The following DDIAS variants were observed in gnomAD, a reference collection of about 807,000 sequenced individuals.
The protein encoded by DDIAS is DNA damage induced apoptosis suppressor.
DDIAS carries 14 observed loss-of-function variants against 15.7 expected under a neutral mutation model. The ratio of observed to expected loss-of-function variants is 0.89; its 90% CI spans 0.59 to 1.39. The LOEUF (loss-of-function observed/expected upper bound fraction) is 1.39, where lower values mean the gene tolerates loss of function less well. DDIAS is among the 40% of genes most tolerant of loss of function. DDIAS has a pLI of 0.00. For missense variants in DDIAS, 1,035 were observed against 1,130.9 expected (o/e 0.92, Z 1.22); for synonymous variants, 355 against 395.9 (o/e 0.90, Z 1.23).
chr11:82,934,343 C>T lies in DDIAS; in HGVS notation c.*8C>T, dbSNP rs1861075895. ...CCTGAATTGTTTTCATAAAAAGTCA[C>T]CTGAACCCAATTCCTGAACTTTTAA... On this transcript the variant is annotated 3_prime_UTR_variant, in exon 6 of 6. Transcript: ENST00000533655. The T allele has an allele frequency of 1.9e-6, 3 of 1,570,866 alleles. No individual in the cohort carries two copies. Among genetic ancestry groups the T allele is most frequent in the East Asian group, 2.3e-5 (1 of 44,364 alleles).
Position 82,901,820 on chromosome 11 carries a change from C to G in DDIAS, c.-119C>G, listed in dbSNP as rs532529335. 19 of 152,228 alleles carry G rather than the reference C, an allele frequency of 1.2e-4. No individual in the cohort carries two copies. In the East Asian group the frequency reaches 3.1e-3, roughly 25 times the overall value. The allele number at this position is 152,228 out of a possible 1,614,324, so 9.4% of individuals were successfully genotyped here. ...TGGGCCCGTTCCTGGTCTTCTCCCC[C>G]AGGTGAGCTGGGTAAAGGGGTTCTC... On this transcript the variant is annotated splice_region_variant and 5_prime_UTR_variant, in exon 1 of 6. Coordinates refer to ENST00000533655, the MANE Select transcript of DDIAS (RefSeq NM_145018.4).
intron 1 of DDIAS, among the ~76,000 whole-genome samples, chr11:82,903,268 G>C (rs1031197693): frequency 1.3e-5 from 2 of 152,210 alleles, no homozygotes; most frequent in Admixed American, 1.3e-4. Flanking sequence ...TAAGATGATG[G>C]CAGAATATAT....
chr11:82,933,404 T>C lies in DDIAS; in HGVS notation c.2066T>C (p.Ile689Thr). Residue 689 changes from isoleucine (I) to threonine (T), a missense_variant, in exon 6 of 6, where the codon ATT (isoleucine) becomes ACT (threonine). Physicochemically the swap from Ile to Thr is moderately conservative, Grantham distance 89 (BLOSUM62 -1). Transcript: ENST00000533655. ...LFDDIAKEMD[I>T]ATEITKKSQD... ...GATGATATTGCTAAAGAAATGGACA[T>C]TGCAACTGAGATTACCAAAAAATCA... 6.2e-7 allele frequency: 1 copy of C among 1,613,952 alleles called. No homozygotes were observed.
At chr11:82,910,603 TC>T (rs1860512841) in intron 1 of DDIAS, among the ~76,000 whole-genome samples, 1 of 108,332 alleles carries the variant, frequency 9.2e-6, no homozygotes, top group Non-Finnish European at 1.7e-5. Context: ...TCTCTCTCTC[TC>T]TCTTTTTTTT....
Position 82,928,678 on chromosome 11 carries a change from T to C in DDIAS, c.114-99T>C, listed in dbSNP as rs1860919427. On this transcript the variant is annotated intron_variant, in intron 3 of 5. Coordinates refer to ENST00000533655, the MANE Select transcript of DDIAS (RefSeq NM_145018.4). ...AATTTGAGTTGTGTAGGAGCATTTATACACAAAATGTTATTTTAAATTTTT... is the reference window on the plus strand; with the variant it reads ...AATTTGAGTTGTGTAGGAGCATTTACACACAAAATGTTATTTTAAATTTTT... 1.2e-5 allele frequency: 15 copies of C among 1,266,104 alleles called. No homozygotes were observed. In the South Asian group the frequency reaches 1.9e-4, roughly 16 times the overall value. The allele number at this position is 1,266,104 out of a possible 1,614,324, so 78.4% of individuals were successfully genotyped here.
chr11:82,929,022 G>GA (rs952583686), intron 4 of DDIAS, 84 bp downstream of exon 4: 2 of 1,447,250 alleles, frequency 1.4e-6, no homozygotes, highest in African/African-American at 2.9e-5. Context: ...CATTTTTGTA[G>GA]AAAGATAATC....
rs2121377293 is a variant in DDIAS, at chr11:82,933,809, C to CA, written c.2477dup (p.Asn826LysfsTer6). On this transcript the variant is annotated frameshift_variant, in exon 6 of 6. Coordinates refer to ENST00000533655, the MANE Select transcript of DDIAS (RefSeq NM_145018.4). LOFTEE classifies it low-confidence loss of function (END_TRUNC). ...AAACAGCAAGCCAGCCCAAGCTGTC[C>CA]AAAAAATATAAAAACACCTAGCCAG... 1 of 1,613,070 alleles carries CA rather than the reference C, an allele frequency of 6.2e-7. No homozygotes were observed. The highest frequency in any genetic ancestry group is 8.5e-7 in the Non-Finnish European group (1 of 1,179,810).
chr11:82,910,762 C>T (rs894889107), intron 1 of DDIAS, among the ~76,000 whole-genome samples: 8 of 151,800 alleles, frequency 5.3e-5, no homozygotes, highest in Non-Finnish European at 1.0e-4. Flanking sequence ...ACCACAAGCT[C>T]ATACTACCAC....
rs1331508151 is a variant in DDIAS, at chr11:82,933,982, G to A, written c.2644G>A (p.Gly882Ser). ...IFPSDMLGFQ[G>S]IGLGKCLAAY... ...TCCTTCAGATATGCTTGGATTCCAA[G>A]GCATAGGTCTAGGGAAATGCCTTGC... Residue 882 changes from glycine to serine, a missense_variant, in exon 6 of 6, where the codon GGC becomes AGC. Gly to Ser is a moderately conservative substitution (Grantham distance 56). Transcript: ENST00000533655. 20 of 1,612,762 alleles carry A rather than the reference G, an allele frequency of 1.2e-5. No individual in the cohort carries two copies. The highest frequency in any genetic ancestry group is 1.7e-4 in the Middle Eastern group (1 of 6,054).
rs564718017 is a variant in DDIAS at position 82,905,374 on chromosome 11, A to AT, written c.-117+3559dup. Among the ~76,000 whole-genome samples, 61 of 151,998 alleles carry AT rather than the reference A, an allele frequency of 4.0e-4. 1 individual carries two copies. The South Asian group carries it at 0.012, about 31-fold the overall frequency. ...TCCAGCATTTTTATAGTATTTATTG[A>AT]TTTTTTTCTAATTATAAAAGCAATA... On this transcript the variant is annotated intron_variant, in intron 1 of 5. Transcript: ENST00000533655.
Position 82,934,459 on chromosome 11 carries a change from G to T in DDIAS, c.*124G>T, listed in dbSNP as rs1861078279. The T allele has an allele frequency of 2.1e-6, 2 of 963,804 alleles. No individual in the cohort carries two copies. The highest frequency in any genetic ancestry group is 1.6e-5 in the African/African-American group (1 of 60,656). 59.7% of individuals were successfully genotyped at this position (963,804 alleles called of 1,614,324 possible). On this transcript the variant is annotated 3_prime_UTR_variant, in exon 6 of 6. Coordinates refer to ENST00000533655, the MANE Select transcript of DDIAS (RefSeq NM_145018.4). The stretch of plus-strand genomic sequence containing the variant: ...AGAAGCAAATTGAAAACAGGACTCT[G>T]CTGGGAGCTACTGTGCCTTTTAAAA...
chr11:82,934,058 A>G lies in DDIAS; in HGVS notation c.2720A>G (p.His907Arg), dbSNP rs759065211. 6.2e-7 allele frequency: 1 copy of G among 1,613,362 alleles called. No homozygotes were observed. The highest frequency in any genetic ancestry group is 8.5e-7 in the Non-Finnish European group (1 of 1,179,874). ...GAGTTACCAAGAAAGAAACTGAAAC[A>G]TATTAGACAAGGAACCAATAAAGGT... ...QQELPRKKLK[H>R]IRQGTNKGLI... Residue 907 changes from histidine (H) to arginine (R), a missense_variant, in exon 6 of 6, where the codon CAT becomes CGT. Transcript: ENST00000533655.
intron 3 of DDIAS, among the ~76,000 whole-genome samples, chr11:82,916,333 T>G (rs896688823): frequency 6.6e-6 from 1 of 152,174 alleles, no homozygotes; most frequent in African/African-American, 2.4e-5. Context: ...CTTATTGCAG[T>G]ATGTTATCAT....
intron 2 of DDIAS, chr11:82,914,181 T>C: frequency 3.8e-6 from 1 of 262,874 alleles, no homozygotes; most frequent in South Asian, 3.3e-5. Flanking sequence ...GTGATCCGCC[T>C]GCCTCGGCCT....
intron 1 of DDIAS, among the ~76,000 whole-genome samples, chr11:82,903,281 G>C (rs957765095): frequency 1.3e-5 from 2 of 152,156 alleles, no homozygotes; most frequent in African/African-American, 4.8e-5. Flanking sequence ...GAATATATGA[G>C]GGAAAAGTGA....
intron 1 of DDIAS, among the ~76,000 whole-genome samples, chr11:82,910,303 CAG>C (rs1860503918): frequency 8.0e-6 from 1 of 125,614 alleles, no homozygotes; most frequent in African/African-American, 3.1e-5. Context: ...TTTTTTGAGA[CAG>C]AGTTTCACTC....
At position 82,933,105 on chromosome 11, in the gene DDIAS, T is replaced by A; in HGVS notation, c.1767T>A (p.Asn589Lys). The change falls in exon 6 of 6, where the codon AAT becomes AAA. Residue 589 changes from asparagine (N) to lysine (K), a missense_variant. Coordinates refer to ENST00000533655, the MANE Select transcript of DDIAS (RefSeq NM_145018.4). Reference sequence around the variant, plus strand: ...GAGAAATATCAGTTTCAGAAATGAATGAAAAGTTGACAACTCTGTGTTATA... The same window carrying A: ...GAGAAATATCAGTTTCAGAAATGAAAGAAAAGTTGACAACTCTGTGTTATA... ...GCGEISVSEMNEKLTTLCYRK... is the reference protein window; with the variant it reads ...GCGEISVSEMKEKLTTLCYRK... 6.2e-7 allele frequency: 1 copy of A among 1,602,566 alleles called. No homozygotes were observed. Among genetic ancestry groups the A allele is most frequent in the Non-Finnish European group, 8.5e-7 (1 of 1,178,390 alleles).
At chr11:82,904,348 T>C (rs1298583027) in intron 1 of DDIAS, among the ~76,000 whole-genome samples, 1 of 152,192 alleles carries the variant, frequency 6.6e-6, no homozygotes, top group Non-Finnish European at 1.5e-5. Flanking sequence ...GAAAAAAAGA[T>C]GTGTTGGTAT....
intron 5 of DDIAS, among the ~76,000 whole-genome samples, chr11:82,931,184 T>C (rs1860977312): frequency 2.0e-5 from 3 of 152,200 alleles, no homozygotes; most frequent in Admixed American, 2.0e-4. Context: ...CTCAACACTA[T>C]TAATAAATGC....
Sources: allele counts gnomAD v4.1 joint callset (sites outside exome capture counted in the v4.1 genomes callset), GRCh38; gene constraint gnomAD v4.1.1; transcripts MANE v1.5; gene names NCBI Gene and HGNC (gene_info 2026-07-23, HGNC 2026-07-21).